ATP8B1: variants seen among roughly 807,000 people sequenced by gnomAD.
The protein encoded by ATP8B1 is phospholipid-transporting ATPase IC.
In ATP8B1, 80 loss-of-function variants were observed where a neutral mutation model predicts 149.9. That is an observed-to-expected ratio of 0.53 (90% confidence interval 0.45 to 0.64). ATP8B1 has a LOEUF of 0.64. ATP8B1 is among the 30% of genes least tolerant of loss of function. ATP8B1 has a pLI of 0.00. For missense variants in ATP8B1, 1,247 were observed against 1,552.6 expected (o/e 0.80, Z 3.31); for synonymous variants, 536 against 562.8 (o/e 0.95, Z 0.67).
intron 20 of ATP8B1, among the ~76,000 whole-genome samples, chr18:57,666,844 G>A (rs1360358358): frequency 4.6e-5 from 7 of 152,114 alleles, no homozygotes; most frequent in Non-Finnish European, 1.5e-5. Flanking sequence ...CCTGAGCTGA[G>A]AAGGAATGGA....
intron 2 of ATP8B1, 150 bp from the exon 3 acceptor site, chr18:57,706,737 A>G: frequency 1.4e-6 from 1 of 697,798 alleles, no homozygotes; most frequent in Non-Finnish European, 2.5e-6. Flanking sequence ...TGCAGATGTA[A>G]TCAAATTAAA....
chr18:57,719,268 G>A (rs539682124), intron 2 of ATP8B1, among the ~76,000 whole-genome samples: 4 of 152,304 alleles, frequency 2.6e-5, no homozygotes, highest in South Asian at 4.2e-4. Flanking sequence ...CAAGATGGCC[G>A]AATAGGAACA....
In ATP8B1 at chr18:57,763,806, G is replaced by A. The variant is rs76137990; in HGVS notation, c.-25-31974C>T. Among the ~76,000 whole-genome samples, 620 of 152,160 alleles carry A rather than the reference G, an allele frequency of 4.1e-3. 2 individuals carry two copies. Among genetic ancestry groups the A allele is most frequent in the Non-Finnish European group, 5.7e-3 (387 of 68,016 alleles). On this transcript the variant is annotated intron_variant, in intron 1 of 27. Coordinates refer to ENST00000648908, the MANE Select transcript of ATP8B1 (RefSeq NM_001374385.1). ...CCTTCCACTCCTCCTTCAGTGTGCC[G>A]AAGAGATACTGAGTTCTTCCAGATT...
chr18:57,763,246 G>T (rs2080173478), intron 1 of ATP8B1, among the ~76,000 whole-genome samples: 1 of 152,178 alleles, frequency 6.6e-6, no homozygotes, highest in East Asian at 1.9e-4. Context: ...TACAAAATCA[G>T]CCGGGCTTGG....
chr18:57,681,721 A>C, intron 15 of ATP8B1, among the ~76,000 whole-genome samples: 1 of 151,908 alleles, frequency 6.6e-6, no homozygotes, highest in East Asian at 2.0e-4. Flanking sequence ...GAATTGCTTG[A>C]ACCTGGGAGG....
At chr18:57,664,500 A>AG (rs1170737578) in intron 20 of ATP8B1, among the ~76,000 whole-genome samples, 35 of 133,550 alleles carry the variant, frequency 2.6e-4, no homozygotes, top group East Asian at 1.3e-3. Flanking sequence ...AGTCTTTCTA[A>AG]GAAAAAAAAA....
chr18:57,667,796 T>C (rs1910969073), intron 19 of ATP8B1, among the ~76,000 whole-genome samples: 1 of 152,118 alleles, frequency 6.6e-6, no homozygotes, highest in Non-Finnish European at 1.5e-5. Flanking sequence ...GTGAAGATTT[T>C]TTTTCCTTTT....
At position 57,669,197 on chromosome 18, in the gene ATP8B1, G is replaced by A. The variant is rs569245538; in HGVS notation, c.2097+121C>T. 446 of 1,040,896 alleles carry A rather than the reference G, an allele frequency of 4.3e-4. 3 individuals are homozygous for A. The African/African-American group carries it at 6.3e-3, about 15-fold the overall frequency. The allele number at this position is 1,040,896 out of a possible 1,614,324, so 64.5% of individuals were successfully genotyped here. ...GAAATAACCTTCTTCCATTGTGCCA[G>A]TGTCAAATGCTGAAGTTACAATTAT... On this transcript the variant is annotated intron_variant, in intron 18 of 27. Transcript: ENST00000648908.
At chr18:57,665,871 C>A (rs1342065281) in intron 20 of ATP8B1, among the ~76,000 whole-genome samples, 2 of 152,010 alleles carry the variant, frequency 1.3e-5, no homozygotes, top group Non-Finnish European at 2.9e-5. Context: ...TTTTTAAAAC[C>A]TAAAAGCACA....
Position 57,691,939 on chromosome 18 carries a change from T to C in ATP8B1, c.1088A>G (p.Glu363Gly). 6.2e-7 allele frequency: 1 copy of C among 1,614,082 alleles called. No individual in the cohort carries two copies. Among genetic ancestry groups the C allele is most frequent in the East Asian group, 2.2e-5 (1 of 44,882 alleles). ...AGLAIGHAYW[E>G]AQVGNSSWYL... Reference sequence around the variant, plus strand: ...CCAAGAGGAATTGCCCACCTGTGCTTCCCAATAAGCATGGCCGATGGCAAG... The same window carrying C: ...CCAAGAGGAATTGCCCACCTGTGCTCCCCAATAAGCATGGCCGATGGCAAG... The change falls in exon 12 of 28, where the codon GAA (glutamate) becomes GGA (glycine). Residue 363 changes from glutamate to glycine, a missense_variant. Transcript: ENST00000648908.
chr18:57,738,689 C>T (rs184147650), intron 1 of ATP8B1, among the ~76,000 whole-genome samples: 1 of 151,114 alleles, frequency 6.6e-6, no homozygotes, highest in African/African-American at 2.4e-5. Flanking sequence ...GTCGTTTTTG[C>T]CTCAAATACT....
intron 2 of ATP8B1, among the ~76,000 whole-genome samples, chr18:57,723,851 A>C (rs1346964008): frequency 6.7e-6 from 1 of 149,490 alleles, no homozygotes; most frequent in Non-Finnish European, 1.5e-5. Context: ...TTCAAACTAT[A>C]CTACAAGGCT....
At chr18:57,794,806 A>AAGAAAGAAAGAAAGAAAGAAAGAG (rs987919754) in intron 1 of ATP8B1, among the ~76,000 whole-genome samples, 5 of 151,542 alleles carry the variant, frequency 3.3e-5, no homozygotes, top group African/African-American at 1.2e-4. Flanking sequence ...GAAAGAAAGA[A>AAGAAAGAAAGAAAGAAAGAAAGAG]AGAAAGAAAG....
At chr18:57,756,419 G>A (rs1327814350) in intron 1 of ATP8B1, among the ~76,000 whole-genome samples, 10 of 150,956 alleles carry the variant, frequency 6.6e-5, no homozygotes, top group Admixed American at 6.6e-4. Flanking sequence ...TTGTGCTTCA[G>A]CCTCCCAAGT....
chr18:57,695,593 A>T (rs1261115857), intron 8 of ATP8B1, 61 bp from the exon 9 acceptor site: 1 of 1,294,866 alleles, frequency 7.7e-7, no homozygotes, highest in African/African-American at 1.5e-5. Flanking sequence ...AGTGGAAGTT[A>T]ATCATCCAAA....
chr18:57,757,378 C>T (rs2123304578), intron 1 of ATP8B1, among the ~76,000 whole-genome samples: 1 of 152,280 alleles, frequency 6.6e-6, no homozygotes, highest in South Asian at 2.1e-4. Flanking sequence ...TCCCAGTACC[C>T]CTGGTTCCTT....
In ATP8B1 at chr18:57,667,493, T is replaced by C; in HGVS notation, c.2210-326A>G. 3 of 306,954 alleles carry C rather than the reference T, an allele frequency of 9.8e-6. No individual in the cohort carries two copies. In the South Asian group the frequency reaches 1.0e-4, roughly 10 times the overall value. The allele number at this position is 306,954 out of a possible 1,614,324, so 19.0% of individuals were successfully genotyped here. The stretch of plus-strand genomic sequence containing the variant: ...GATTTTACCTAGTAATGATATTTTT[T>C]AGTTCATGAACATAACCAGATTCAC... On this transcript the variant is annotated intron_variant, in intron 19 of 27. Transcript: ENST00000648908.
At chr18:57,767,823 A>G (rs2080227160) in intron 1 of ATP8B1, among the ~76,000 whole-genome samples, 1 of 151,662 alleles carries the variant, frequency 6.6e-6, no homozygotes, top group Non-Finnish European at 1.5e-5. Context: ...TCATCATCCC[A>G]GAAAGTTCCC....
At chr18:57,649,313 C>T (rs117095193) in intron 27 of ATP8B1, among the ~76,000 whole-genome samples, 1,615 of 152,072 alleles carry the variant, frequency 0.011, 5 homozygotes, top group Middle Eastern at 0.024. Context: ...TACCTACCTA[C>T]CTGGAGATAT....
Sources: gnomAD v4.1 joint callset for allele counts (sites outside exome capture counted in the v4.1 genomes callset) on GRCh38, gnomAD v4.1.1 for gene constraint, MANE v1.5 for transcripts, NCBI Gene and HGNC (gene_info 2026-07-23, HGNC 2026-07-21) for gene names.